MTUS2: variants seen among roughly 807,000 people sequenced by gnomAD.
The protein encoded by MTUS2 is microtubule associated scaffold protein 2.
In MTUS2, 40 loss-of-function variants were observed where a neutral mutation model predicts 114.1. The ratio of observed to expected loss-of-function variants is 0.35; its 90% CI spans 0.27 to 0.46. The LOEUF (loss-of-function observed/expected upper bound fraction) is 0.46, where lower values mean the gene tolerates loss of function less well. Ranked by LOEUF, MTUS2 falls within the 20% of genes least tolerant of loss-of-function variation. The probability of loss-of-function intolerance (pLI) is 1.00; values close to 1 mark genes in which losing one functional copy is unlikely to be tolerated. For synonymous variants in MTUS2, 688 were observed against 672.0 expected (o/e 1.02, Z -0.37); for missense variants, 1,679 against 1,705.4 (o/e 0.98, Z 0.27).
At chr13:29,017,315 G>T (rs1886107088) in intron 2 of MTUS2, among the ~76,000 whole-genome samples, 1 of 152,132 alleles carries the variant, frequency 6.6e-6, no homozygotes, top group Admixed American at 6.5e-5. Flanking sequence ...ATGGCAGGAG[G>T]TGTAGTTGGA....
chr13:29,081,337 T>G (rs2479786), intron 4 of MTUS2, among the ~76,000 whole-genome samples: 87,456 of 151,820 alleles, frequency 0.58, 25,479 homozygotes, highest in Non-Finnish European at 0.61. Flanking sequence ...ACAGGAGTCT[T>G]ACTATTACAA....
chr13:28,991,921 C>T (rs1884876771), intron 2 of MTUS2, among the ~76,000 whole-genome samples: 1 of 152,120 alleles, frequency 6.6e-6, no homozygotes, highest in South Asian at 2.1e-4. Flanking sequence ...GTCTCTGTAC[C>T]TGGGAACTTG....
intron 7 of MTUS2, among the ~76,000 whole-genome samples, chr13:29,354,355 C>T (rs918465761): frequency 1.3e-5 from 2 of 149,416 alleles, no homozygotes; most frequent in Non-Finnish European, 3.0e-5. Flanking sequence ...ATTGTCATAA[C>T]ACTATTAAGC....
At chr13:29,022,899 T>C (rs1886352903) in intron 2 of MTUS2, among the ~76,000 whole-genome samples, 2 of 152,218 alleles carry the variant, frequency 1.3e-5, no homozygotes, top group South Asian at 4.1e-4. Flanking sequence ...CATTTGGACA[T>C]TTATTCATTC....
chr13:29,466,658 C>T lies in MTUS2; in HGVS notation c.3185-13492C>T, dbSNP rs145778690. Among the ~76,000 whole-genome samples the T allele has an allele frequency of 2.4e-3, 369 of 152,246 alleles. 3 individuals carry two copies. The highest frequency in any genetic ancestry group is 0.017 in the Middle Eastern group (5 of 294). ...TTGGGAGGCTGAGGCAAGTGGATCA[C>T]TTGAGCTCAGGAGTTCGAGACCAGC... On this transcript the variant is annotated intron_variant, in intron 9 of 15. Coordinates refer to ENST00000612955, the MANE Select transcript of MTUS2 (RefSeq NM_001033602.4).
Position 29,260,894 on chromosome 13 carries a change from G to A in MTUS2, c.2645-20810G>A, listed in dbSNP as rs1200689015. ...TACTGGCATCTAGTGGGTAGAGGCC[G>A]GGGTTGCTGCTGAACCTCTTACAAT... is the stretch of plus-strand genomic sequence containing the variant. On this transcript the variant is annotated intron_variant, in intron 5 of 15. Transcript: ENST00000612955. Among the ~76,000 whole-genome samples the A allele has an allele frequency of 6.6e-5, 10 of 152,252 alleles. 1 individual carries two copies. In the Middle Eastern group the frequency reaches 0.01, roughly 155 times the overall value.
intron 6 of MTUS2, among the ~76,000 whole-genome samples, chr13:29,289,036 G>C (rs977607339): frequency 2.0e-5 from 3 of 152,146 alleles, no homozygotes; most frequent in Non-Finnish European, 4.4e-5. Flanking sequence ...ATAAATAAGT[G>C]TTCTCCTATT....
chr13:29,325,870 G>A (rs9508353), intron 7 of MTUS2, among the ~76,000 whole-genome samples: 28,728 of 152,262 alleles, frequency 0.19, 2,796 homozygotes, highest in Middle Eastern at 0.22. Flanking sequence ...AGTCACAGGT[G>A]ATAAGTAGTA....
chr13:29,501,327 A>G (rs1014368295), intron 15 of MTUS2, 133 bp downstream of exon 15: 32 of 671,258 alleles, frequency 4.8e-5, no homozygotes, highest in Middle Eastern at 6.0e-4. Context: ...AGACCTGAAG[A>G]ACAAGAACAA....
At chr13:29,346,977 C>T (rs1388344129) in intron 7 of MTUS2, among the ~76,000 whole-genome samples, 17 of 151,298 alleles carry the variant, frequency 1.1e-4, no homozygotes, top group African/African-American at 4.1e-4. Flanking sequence ...GCAGTCGTTC[C>T]CCTTTCACAC....
At chr13:28,996,693 T>C (rs1251074835) in intron 2 of MTUS2, among the ~76,000 whole-genome samples, 1 of 152,168 alleles carries the variant, frequency 6.6e-6, no homozygotes, top group East Asian at 1.9e-4. Flanking sequence ...CATAGAGGTG[T>C]TTATAGTATT....
At chr13:28,851,675 A>G (rs1876278906) in intron 2 of MTUS2, among the ~76,000 whole-genome samples, 1 of 152,224 alleles carries the variant, frequency 6.6e-6, no homozygotes. Flanking sequence ...CTTAAAAAAT[A>G]TACAAAATTA....
intron 2 of MTUS2, among the ~76,000 whole-genome samples, chr13:28,888,936 A>C (rs1207291252): frequency 6.6e-6 from 1 of 152,212 alleles, no homozygotes; most frequent in African/African-American, 2.4e-5. Flanking sequence ...AATCATTTGG[A>C]AAGATTAAAG....
chr13:29,019,512 C>T lies in MTUS2; in HGVS notation c.-242-4945C>T, dbSNP rs549435420. On this transcript the variant is annotated intron_variant, in intron 2 of 15. Coordinates refer to ENST00000612955, the MANE Select transcript of MTUS2 (RefSeq NM_001033602.4). ...CTCCACAAGTTTTAAAAGGATAGAA[C>T]GATGCATTGAGACCAGCAAGGTGAT... 4.6e-5 allele frequency among the ~76,000 whole-genome samples: 7 copies of T among 152,234 alleles called. No homozygotes were observed. In the South Asian group the frequency reaches 6.2e-4, roughly 14 times the overall value.
intron 8 of MTUS2, among the ~76,000 whole-genome samples, chr13:29,397,510 A>G (rs1873999117): frequency 6.6e-6 from 1 of 152,190 alleles, no homozygotes. Flanking sequence ...TTGGAAATGC[A>G]TGGTCTCAGG....
intron 6 of MTUS2, among the ~76,000 whole-genome samples, chr13:29,297,250 T>C (rs1007780021): frequency 2.0e-5 from 3 of 152,240 alleles, no homozygotes; most frequent in African/African-American, 7.2e-5. Context: ...TGTAATATTC[T>C]GTTGACAATT....
chr13:29,232,216 G>A (rs1566080774), intron 5 of MTUS2, among the ~76,000 whole-genome samples: 1 of 151,980 alleles, frequency 6.6e-6, no homozygotes. Flanking sequence ...AAGTTTGAAT[G>A]TTGTTAATTA....
Position 29,024,730 on chromosome 13 carries a change from GT to G in MTUS2, c.34del (p.Tyr12ThrfsTer19). On this transcript the variant is annotated frameshift_variant, in exon 3 of 16. Coordinates refer to ENST00000612955, the MANE Select transcript of MTUS2 (RefSeq NM_001033602.4). LOFTEE classifies it high-confidence loss of function. ...GTCCCAGTGGCTCCTAAGAAATCAT[GT>G]TACACTCAGTTGCGGGACAACAGAA... is the stretch of plus-strand genomic sequence containing the variant. Reference protein sequence around the residue: MSVPVAPKKSCYTQLRDNRNA... With the variant: MSVPVAPKKSXYTQLRDNRNA... 1 of 1,613,994 alleles carries G rather than the reference GT, an allele frequency of 6.2e-7. No individual in the cohort carries two copies. The highest frequency in any genetic ancestry group is 8.5e-7 in the Non-Finnish European group (1 of 1,179,892).
intron 2 of MTUS2, among the ~76,000 whole-genome samples, chr13:28,959,491 T>C (rs181792451): frequency 6.6e-6 from 1 of 152,070 alleles, no homozygotes; most frequent in African/African-American, 2.4e-5. Context: ...GGGTAATTTA[T>C]AAAGAAAGAG....
Sources: allele counts gnomAD v4.1 joint callset (sites outside exome capture counted in the v4.1 genomes callset), GRCh38; gene constraint gnomAD v4.1.1; transcripts MANE v1.5; gene names NCBI Gene and HGNC (gene_info 2026-07-23, HGNC 2026-07-21).